XG: variants seen among roughly 807,000 people sequenced by gnomAD.
XG encodes Xg glycoprotein (Xg blood group), also known as glycoprotein Xg.
A neutral mutation model predicts 25.7 loss-of-function variants in XG; 24 were observed. That is an observed-to-expected ratio of 0.93 (90% CI 0.68 to 1.31). The LOEUF (loss-of-function observed/expected upper bound fraction) is 1.31. XG is among the 40% of genes most tolerant of loss of function. The probability of loss-of-function intolerance (pLI) is 0.00; values close to 1 mark genes in which losing one functional copy is unlikely to be tolerated. For synonymous variants in XG, 77 were observed against 69.2 expected (o/e 1.11, Z -0.56); for missense variants, 181 against 187.6 (o/e 0.96, Z 0.21).
chrX:2,763,922 C>T (rs951913911), intron 1 of XG, among the ~76,000 whole-genome samples: 5 of 152,112 alleles, frequency 3.3e-5, no homozygotes, highest in Admixed American at 6.5e-5. Flanking sequence ...AGGGCAACTC[C>T]AGGTTGAGTA....
chrX:2,778,920 C>T (rs2051060560), intron 3 of XG, among the ~76,000 whole-genome samples: 1 of 151,998 alleles, frequency 6.6e-6, no homozygotes, highest in African/African-American at 2.4e-5. Context: ...TGCCACCACG[C>T]CTGGCTAATT....
intron 3 of XG, chrX:2,774,991 G>A (rs2050944788): frequency 3.6e-6 from 2 of 555,476 alleles, no homozygotes; most frequent in Admixed American, 3.1e-5. Flanking sequence ...TGGCAAGGAT[G>A]TGATGAAACT....
At chrX:2,775,686 TGGCTC>T (rs2124469019) in intron 3 of XG, among the ~76,000 whole-genome samples, 1 of 152,156 alleles carries the variant, frequency 6.6e-6, no homozygotes, top group Non-Finnish European at 1.5e-5. Context: ...CTGGGGGCGG[TGGCTC>T]ACACCTGTAA....
intron 4 of XG, among the ~76,000 whole-genome samples, chrX:2,786,224 C>A (rs2086781666): frequency 1.0e-5 from 1 of 100,402 alleles, no homozygotes; most frequent in African/African-American, 3.7e-5. Flanking sequence ...CTCACCGATT[C>A]TTTTCTCTGA....
chrX:2,797,312 G>T lies in XG; in HGVS notation c.325G>T (p.Gly109Cys), dbSNP rs769843327. 1 of 1,210,979 alleles carries T rather than the reference G, an allele frequency of 8.3e-7. No homozygotes were observed. Among genetic ancestry groups the T allele is most frequent in the Admixed American group, 2.2e-5 (1 of 45,934 alleles). The stretch of plus-strand genomic sequence containing the variant: ...ACTCTACCTTCTCTGTCTAACAGGA[G>T]GTGGCGGCGGTGGCTACTCCAGTTA... Reference protein sequence around the residue: ...PRPRPRPPAGGGGGGYSSYGN... With the variant: ...PRPRPRPPAGCGGGGYSSYGN... Residue 109 changes from glycine (G) to cysteine (C), a missense_variant and splice_region_variant, in exon 7 of 11, where the codon GGT becomes TGT. Physicochemically the swap from Gly to Cys is radical, Grantham distance 159 (BLOSUM62 -3). Coordinates refer to ENST00000644266, the MANE Select transcript of XG (RefSeq NM_001141919.2).
At chrX:2,800,172 T>G (rs1156376435) in intron 7 of XG, among the ~76,000 whole-genome samples, 1 of 111,412 alleles carries the variant, frequency 9.0e-6, no homozygotes, top group Non-Finnish European at 1.9e-5. Flanking sequence ...GTTTAACGGG[T>G]GGCAAGCCAG....
At chrX:2,773,341 TAGG>T (rs1028201276) in intron 2 of XG, among the ~76,000 whole-genome samples, 7 of 111,372 alleles carry the variant, frequency 6.3e-5, no homozygotes, top group Admixed American at 1.1e-4. Context: ...GAAAGAAAAA[TAGG>T]AGAAGAAAGG....
At chrX:2,806,610 C>T in intron 7 of XG, 91 bp from the exon 8 acceptor site, 2 of 813,263 alleles carry the variant, frequency 2.5e-6, no homozygotes, top group Non-Finnish European at 1.8e-6. Flanking sequence ...GAGCATCTTG[C>T]TTCAGGTTTG....
At chrX:2,769,264 G>T (rs1193302165) in intron 1 of XG, among the ~76,000 whole-genome samples, 2 of 152,190 alleles carry the variant, frequency 1.3e-5, no homozygotes, top group African/African-American at 4.8e-5. Flanking sequence ...ACAGACATCA[G>T]AGCGGGGGAG....
intron 1 of XG, among the ~76,000 whole-genome samples, chrX:2,757,508 C>G (rs1340789358): frequency 2.0e-5 from 3 of 151,542 alleles, no homozygotes; most frequent in Non-Finnish European, 4.4e-5. Flanking sequence ...TATGTAAAGA[C>G]TAAAAAAGAC....
chrX:2,784,728 G>A, intron 4 of XG, among the ~76,000 whole-genome samples: 1 of 111,772 alleles, frequency 8.9e-6, no homozygotes, highest in Non-Finnish European at 1.9e-5. Flanking sequence ...TCAGGCTGGG[G>A]AGGTGACCCC....
chrX:2,770,932 C>T (rs2050804873), intron 2 of XG, among the ~76,000 whole-genome samples: 3 of 152,040 alleles, frequency 2.0e-5, no homozygotes, highest in South Asian at 4.1e-4. Flanking sequence ...CACATAGCCT[C>T]GACTTCCTGG....
At chrX:2,789,584 A>G in intron 4 of XG, 60 bp from the exon 5 acceptor site, 1 of 773,609 alleles carries the variant, frequency 1.3e-6, no homozygotes, top group Non-Finnish European at 1.9e-6. Context: ...TTATTTATAG[A>G]TGGTATCTAC....
chrX:2,802,751 C>A (rs971534585), intron 7 of XG, among the ~76,000 whole-genome samples: 3 of 110,635 alleles, frequency 2.7e-5, no homozygotes, highest in African/African-American at 9.9e-5. Context: ...GATGCCATCC[C>A]TAGGAGCAAC....
chrX:2,776,652 G>A (rs1157892956), intron 3 of XG, among the ~76,000 whole-genome samples: 1 of 151,988 alleles, frequency 6.6e-6, no homozygotes, highest in African/African-American at 2.4e-5. Flanking sequence ...AAACCAGGTT[G>A]GGCATTACAG....
At chrX:2,805,304 G>C (rs1342349217) in intron 7 of XG, among the ~76,000 whole-genome samples, 2 of 112,406 alleles carry the variant, frequency 1.8e-5, no homozygotes, top group Non-Finnish European at 3.8e-5. Context: ...GTCTGCTAAG[G>C]CTGCCATTGT....
At chrX:2,780,376 C>G (rs2051091786) in intron 3 of XG, among the ~76,000 whole-genome samples, 1 of 144,624 alleles carries the variant, frequency 6.9e-6, no homozygotes, top group African/African-American at 2.6e-5. Context: ...ATTTAAGCCA[C>G]TATTTAAATT....
chrX:2,806,199 T>C (rs1367908289), intron 7 of XG, among the ~76,000 whole-genome samples: 1 of 102,316 alleles, frequency 9.8e-6, no homozygotes, highest in African/African-American at 3.5e-5. Context: ...CACCCAGCTA[T>C]TTTTTTTTTT....
At chrX:2,760,583 A>C (rs182328365) in intron 1 of XG, among the ~76,000 whole-genome samples, 20,203 of 149,184 alleles carry the variant, frequency 0.14, 1,859 homozygotes, top group African/African-American at 0.26. Context: ...AAAATACAAA[A>C]AAAAAAAAAA....
Sources: allele counts gnomAD v4.1 joint callset (sites outside exome capture counted in the v4.1 genomes callset), GRCh38; gene constraint gnomAD v4.1.1; transcripts MANE v1.5; gene names NCBI Gene and HGNC (gene_info 2026-07-23, HGNC 2026-07-21).